The following GXYLT2 variants were observed in gnomAD, a reference collection of about 807,000 sequenced individuals.
GXYLT2 encodes glycosyltransferase 8 domain containing 4.
Under a neutral mutation model 45.8 loss-of-function variants are expected in GXYLT2, and 53 were observed. That is an observed-to-expected ratio of 1.16 (90% CI 0.93 to 1.46). The LOEUF (loss-of-function observed/expected upper bound fraction) is 1.46. Ranked by LOEUF, GXYLT2 falls within the 40% of genes most tolerant of loss-of-function variation. The pLI, the probability that GXYLT2 is intolerant of heterozygous loss-of-function variation, is 0.00. For synonymous variants in GXYLT2, 219 were observed against 214.2 expected (o/e 1.02, Z -0.19); for missense variants, 551 against 544.4 (o/e 1.01, Z -0.12).
At chr3:72,959,294 A>T (rs1276677377) in intron 5 of GXYLT2, among the ~76,000 whole-genome samples, 1 of 148,546 alleles carries the variant, frequency 6.7e-6, no homozygotes, top group Non-Finnish European at 1.5e-5. Context: ...ATTTTTGTAT[A>T]TTTAGTAGAG....
At chr3:72,965,988 G>C (rs1046540073) in intron 5 of GXYLT2, among the ~76,000 whole-genome samples, 2 of 151,788 alleles carry the variant, frequency 1.3e-5, no homozygotes, top group African/African-American at 4.8e-5. Context: ...TGTTGTGTTG[G>C]TTTTTGTTTT....
intron 1 of GXYLT2, among the ~76,000 whole-genome samples, chr3:72,891,769 G>C (rs934493395): frequency 2.6e-5 from 4 of 152,156 alleles, no homozygotes; most frequent in Non-Finnish European, 5.9e-5. Flanking sequence ...AATAAATACT[G>C]TTTGTCAAAA....
At chr3:72,900,729 T>C (rs1709387250) in intron 1 of GXYLT2, among the ~76,000 whole-genome samples, 1 of 152,108 alleles carries the variant, frequency 6.6e-6, no homozygotes, top group Non-Finnish European at 1.5e-5. Flanking sequence ...ACAATTCTTA[T>C]AATATTGCTA....
At chr3:72,909,556 C>T (rs1432122567) in intron 2 of GXYLT2, among the ~76,000 whole-genome samples, 2 of 152,004 alleles carry the variant, frequency 1.3e-5, no homozygotes, top group Non-Finnish European at 2.9e-5. Context: ...AGCATTGTTC[C>T]CAGTCAGTAC....
rs1036228694 is a variant in GXYLT2 at position 72,935,474 on chromosome 3, A to G, written c.600+13139A>G. Among the ~76,000 whole-genome samples the G allele has an allele frequency of 2.0e-5, 3 of 152,228 alleles. No individual in the cohort carries two copies. In the East Asian group the frequency reaches 5.8e-4, roughly 29 times the overall value. On this transcript the variant is annotated intron_variant, in intron 3 of 6. Coordinates refer to ENST00000389617, the MANE Select transcript of GXYLT2 (RefSeq NM_001080393.2). ...TTAATTCAAGAAAATTTCCCAGAAC[A>G]AGCAGACATAAATTCCCAGATTGAG...
At position 72,969,922 on chromosome 3, in the gene GXYLT2, C is replaced by CAAAA. The variant is rs1319712246; in HGVS notation, c.1149+2205_1149+2208dup. ...AAATGTGCATTTGAAAAAAAAAAAA[C>CAAAA]AAAAACATTTAAGGCCCAGCACAGT... On this transcript the variant is annotated intron_variant, in intron 6 of 6. Transcript: ENST00000389617. Among the ~76,000 whole-genome samples the CAAAA allele has an allele frequency of 7.2e-5, 10 of 138,034 alleles. 1 individual carries two copies. Among genetic ancestry groups the CAAAA allele is most frequent in the African/African-American group, 1.3e-4 (5 of 37,566 alleles). 90.6% of individuals were successfully genotyped at this position (138,034 alleles called of 152,430 possible). A position where few individuals can be genotyped will look rare whatever the true frequency, so the allele number is the denominator to read the frequency against.
intron 1 of GXYLT2, among the ~76,000 whole-genome samples, chr3:72,890,925 A>G (rs534705601): frequency 6.6e-6 from 1 of 152,312 alleles, no homozygotes; most frequent in African/African-American, 2.4e-5. Flanking sequence ...AGGAAGTCTC[A>G]GGCTCAAATG....
At position 72,974,981 on chromosome 3, in the gene GXYLT2, C is replaced by T; in HGVS notation, c.1154C>T (p.Pro385Leu). ...RALYEAIRDFPFQDNLFQSMY... is the reference protein window; with the variant it reads ...RALYEAIRDFLFQDNLFQSMY... ...TTTTTTTTTGTCATCTTTCAGTTTC[C>T]CTTTCAAGACAATCTCTTTCAATCC... The change falls in exon 7 of 7, where the codon CCC becomes CTC. Residue 385 changes from proline to leucine, a missense_variant. By Grantham distance (98) the Pro-to-Leu change is moderately conservative. Coordinates refer to ENST00000389617, the MANE Select transcript of GXYLT2 (RefSeq NM_001080393.2). 3 of 1,531,562 alleles carry T rather than the reference C, an allele frequency of 2.0e-6. No individual in the cohort carries two copies. Among genetic ancestry groups the T allele is most frequent in the Non-Finnish European group, 2.6e-6 (3 of 1,135,748 alleles). The allele number at this position is 1,531,562 out of a possible 1,614,324, so 94.9% of individuals were successfully genotyped here. A position where few individuals can be genotyped will look rare whatever the true frequency, so the allele number is the denominator to read the frequency against.
chr3:72,927,051 C>T (rs1014778340), intron 3 of GXYLT2: 5 of 152,222 alleles, frequency 3.3e-5, no homozygotes, highest in African/African-American at 1.2e-4. Context: ...GATCCTCCCA[C>T]CTAAGCCTCC....
rs1280996611 is a variant in GXYLT2, at chr3:72,954,430, T to TGTGTGTGC, written c.601-664_601-663insGTGCGTGT. Among the ~76,000 whole-genome samples, 5 of 151,046 alleles carry TGTGTGTGC rather than the reference T, an allele frequency of 3.3e-5. No individual in the cohort carries two copies. In the South Asian group the frequency reaches 1.0e-3, roughly 32 times the overall value. The stretch of plus-strand genomic sequence containing the variant: ...GTGTGTGTGTGTGTGTGTGTGTGTG[T>TGTGTGTGC]GTGTATTTGTATTTATATATATTTA... On this transcript the variant is annotated intron_variant, in intron 3 of 6. Coordinates refer to ENST00000389617, the MANE Select transcript of GXYLT2 (RefSeq NM_001080393.2).
intron 5 of GXYLT2, among the ~76,000 whole-genome samples, chr3:72,961,976 G>C (rs1420698088): frequency 6.6e-6 from 1 of 152,216 alleles, no homozygotes; most frequent in Non-Finnish European, 1.5e-5. Context: ...TAGATTGTGA[G>C]TCAAGTGTGT....
chr3:72,895,091 T>C (rs1264127754), intron 1 of GXYLT2, among the ~76,000 whole-genome samples: 1 of 152,188 alleles, frequency 6.6e-6, no homozygotes, highest in East Asian at 1.9e-4. Flanking sequence ...GCAAACTGTT[T>C]CTAGTGGCTG....
chr3:72,944,745 T>C (rs979676347), intron 3 of GXYLT2, among the ~76,000 whole-genome samples: 6 of 152,142 alleles, frequency 3.9e-5, no homozygotes, highest in African/African-American at 1.2e-4. Flanking sequence ...TCTGCTTGAA[T>C]CTGAATGACA....
chr3:72,931,127 T>C (rs1221259808), intron 3 of GXYLT2, among the ~76,000 whole-genome samples: 1 of 152,224 alleles, frequency 6.6e-6, no homozygotes, highest in Non-Finnish European at 1.5e-5. Context: ...GTATGTTCTC[T>C]GACCACAGTG....
intron 6 of GXYLT2, among the ~76,000 whole-genome samples, chr3:72,972,826 G>A (rs1361840609): frequency 6.6e-6 from 1 of 151,824 alleles, no homozygotes; most frequent in African/African-American, 2.4e-5. Context: ...TGGGTGGGGA[G>A]GGGTTGGGGC....
At chr3:72,916,890 C>G (rs545784441) in intron 2 of GXYLT2, among the ~76,000 whole-genome samples, 1 of 151,766 alleles carries the variant, frequency 6.6e-6, no homozygotes, top group East Asian at 1.9e-4. Flanking sequence ...CTTGTGAAAG[C>G]AATGTAATGG....
At position 72,888,146 on chromosome 3, in the gene GXYLT2, C is replaced by T; in HGVS notation, c.-88C>T. ...GGCGGGCGGGCGGAGGAGGCGACCG[C>T]CGCGCGCTGCTGCACTCATCCTGCC... On this transcript the variant is annotated 5_prime_UTR_variant, in exon 1 of 7. Transcript: ENST00000389617. The T allele has an allele frequency of 1.2e-5, 11 of 922,048 alleles. No individual in the cohort carries two copies. Among genetic ancestry groups the T allele is most frequent in the Non-Finnish European group, 1.3e-5 (10 of 773,728 alleles). 57.1% of individuals were successfully genotyped at this position (922,048 alleles called of 1,614,324 possible). A position where few individuals can be genotyped will look rare whatever the true frequency, so the allele number is the denominator to read the frequency against.
intron 5 of GXYLT2, among the ~76,000 whole-genome samples, chr3:72,961,821 G>A (rs1196636365): frequency 6.6e-6 from 1 of 152,082 alleles, no homozygotes; most frequent in African/African-American, 2.4e-5. Context: ...CTTCTACAAG[G>A]GCAATTTCTA....
intron 3 of GXYLT2, among the ~76,000 whole-genome samples, chr3:72,938,789 G>A (rs1710240511): frequency 6.6e-6 from 1 of 152,200 alleles, no homozygotes; most frequent in Non-Finnish European, 1.5e-5. Context: ...CTAACAGTTG[G>A]CCACACAGCT....
Sources: allele counts gnomAD v4.1 joint callset (sites outside exome capture counted in the v4.1 genomes callset), GRCh38; gene constraint gnomAD v4.1.1; transcripts MANE v1.5; gene names NCBI Gene and HGNC (gene_info 2026-07-23, HGNC 2026-07-21).